BRICD5: variants seen among roughly 807,000 people sequenced by gnomAD.
The protein encoded by BRICD5 is BRICHOS domain-containing protein 5.
A neutral mutation model predicts 28.4 loss-of-function variants in BRICD5; 51 were observed. The ratio of observed to expected loss-of-function variants is 1.80; its 90% CI spans 1.43 to 2.27. The LOEUF (loss-of-function observed/expected upper bound fraction) is 2.27. BRICD5 is among the 30% of genes most tolerant of loss of function. BRICD5 has a pLI of 0.00. For synonymous variants in BRICD5, 177 were observed against 130.2 expected, an observed-to-expected ratio of 1.36 and a Z score of -2.44; for missense variants, 456 against 309.6, an observed-to-expected ratio of 1.47 and a Z score of -3.55.
Position 2,209,581 on chromosome 16 carries a change from G to C in BRICD5, c.564C>G (p.Thr188=), listed in dbSNP as rs1213583378. 2 of 1,612,186 alleles carry C rather than the reference G, an allele frequency of 1.2e-6. No homozygotes were observed. Among genetic ancestry groups the C allele is most frequent in the East Asian group, 2.2e-5 (1 of 44,874 alleles). Residue 188 remains threonine, a synonymous_variant, in exon 5 of 6, where the codon ACC becomes ACG. Transcript: ENST00000328540. ...GALVQRLCMR[T]PIYWARRAEG... ...CTGCTCGCCGGGCCCAGTAGATGGG[G>C]GTCCTCATGCACAGGCGCTGCACCA...
At chr16:2,210,100 A>G in intron 3 of BRICD5, 26 bp downstream of exon 3, 2 of 1,604,534 alleles carry the variant, frequency 1.2e-6, no homozygotes, top group Non-Finnish European at 1.7e-6. Flanking sequence ...GACACCTGCC[A>G]GGGTGACCCC....
Position 2,210,778 on chromosome 16 carries a change from C to T in BRICD5, c.51+5G>A, listed in dbSNP as rs1483043016. The T allele has an allele frequency of 4.4e-6, 7 of 1,607,228 alleles. No individual in the cohort carries two copies. In the East Asian group the frequency reaches 1.1e-4, roughly 26 times the overall value. ...CTTGCTGCAGGAGTAACGGGAGGCA[C>T]TCACCCCTGTAGGCCCAGGTTTGGG... On this transcript the variant is annotated splice_donor_5th_base_variant and intron_variant, in intron 1 of 5. Coordinates refer to ENST00000328540, the MANE Select transcript of BRICD5 (RefSeq NM_182563.4).
At chr16:2,209,485 G>A (rs1335928565) in intron 5 of BRICD5, 29 bp from the exon 6 acceptor site, 3 of 1,613,282 alleles carry the variant, frequency 1.9e-6, no homozygotes, top group East Asian at 2.2e-5. Flanking sequence ...GAATCTCCAA[G>A]GGCTCCGCCC....
rs772583788 is a variant in BRICD5, at chr16:2,209,372, A to T, written c.677T>A (p.Leu226His). 25 of 1,612,404 alleles carry T rather than the reference A, an allele frequency of 1.6e-5. No individual in the cohort carries two copies. The Admixed American group carries it at 4.2e-4, about 27-fold the overall frequency. ...GGCCAGGTCGGGGGCTCAGTCTGGG[A>T]GGTAATAAAAGCAGACCGACACGCA... ...NICVSVCFYYLPD is the reference protein window; with the variant it reads ...NICVSVCFYYHPD Residue 226 changes from leucine to histidine, a missense_variant, in exon 6 of 6, where the codon CTC (leucine) becomes CAC (histidine). Transcript: ENST00000328540.
chr16:2,209,923 G>T, intron 4 of BRICD5, 27 bp downstream of exon 4: 1 of 1,490,740 alleles, frequency 6.7e-7, no homozygotes, highest in Non-Finnish European at 8.9e-7. Context: ...CCCCTGGCCC[G>T]GGCCTGCGCC....
Position 2,210,590 on chromosome 16 carries a change from G to C in BRICD5, c.112C>G (p.Leu38Val), listed in dbSNP as rs2093369682. The change falls in exon 2 of 6, where the codon CTG becomes GTG. Residue 38 changes from leucine to valine, a missense_variant. Physicochemically the swap from Leu to Val is conservative, Grantham distance 32. Coordinates refer to ENST00000328540, the MANE Select transcript of BRICD5 (RefSeq NM_182563.4). ...RAVSLLLLLLLLVLAAVGVVA... is the reference protein window; with the variant it reads ...RAVSLLLLLLVLVLAAVGVVA... ...ACCCCCACAGCGGCCAGCACCAGCA[G>C]CAGCAGCAGCAGGAGCAGGCTCACG... The C allele has an allele frequency of 1.2e-6, 2 of 1,609,838 alleles. No homozygotes were observed. Among genetic ancestry groups the C allele is most frequent in the African/African-American group, 2.7e-5 (2 of 74,974 alleles).
chr16:2,210,160 T>C lies in BRICD5; in HGVS notation c.302A>G (p.Asn101Ser), dbSNP rs768910360. 6.2e-7 allele frequency: 1 copy of C among 1,608,782 alleles called. No individual in the cohort carries two copies. The highest frequency in any genetic ancestry group is 1.7e-5 in the Admixed American group (1 of 59,670). ...ATITVTPPQSNHSWAVLFDGQ... is the reference protein window; with the variant it reads ...ATITVTPPQSSHSWAVLFDGQ... ...GTCGAACAGCACCGCCCAGCTGTGG[T>C]TGCTCTGAGGTGGGGTCACTGTGAT... Residue 101 changes from asparagine to serine, a missense_variant, in exon 3 of 6, where the codon AAC becomes AGC. Asn to Ser is a conservative substitution (Grantham distance 46). Coordinates refer to ENST00000328540, the MANE Select transcript of BRICD5 (RefSeq NM_182563.4).
At position 2,210,095 on chromosome 16, in the gene BRICD5, C is replaced by T. The variant is rs549946298; in HGVS notation, c.336+31G>A. The T allele has an allele frequency of 1.6e-4, 254 of 1,604,284 alleles. 3 individuals carry two copies. In the South Asian group the frequency reaches 2.6e-3, roughly 16 times the overall value. On this transcript the variant is annotated intron_variant, in intron 3 of 5. Coordinates refer to ENST00000328540, the MANE Select transcript of BRICD5 (RefSeq NM_182563.4). ...GAGGCGGGGCCCCCCAGACCGACAC[C>T]TGCCAGGGTGACCCCTCCCTGCCCA... is the stretch of plus-strand genomic sequence containing the variant.
In BRICD5 at chr16:2,209,315, C is replaced by G; in HGVS notation, c.*47G>C. 1 of 1,563,284 alleles carries G rather than the reference C, an allele frequency of 6.4e-7. No individual in the cohort carries two copies. Among genetic ancestry groups the G allele is most frequent in the Non-Finnish European group, 8.8e-7 (1 of 1,141,278 alleles). On this transcript the variant is annotated 3_prime_UTR_variant, in exon 6 of 6. Transcript: ENST00000328540. ...GTCCTCCCTGGTGCAGGTGGCCTGG[C>G]CAGCCCACTGGATTGGGGACGGGCC...
Position 2,210,572 on chromosome 16 carries a change from C to G in BRICD5, c.130G>C (p.Val44Leu). 1.9e-6 allele frequency: 3 copies of G among 1,612,606 alleles called. No individual in the cohort carries two copies. The highest frequency in any genetic ancestry group is 2.5e-6 in the Non-Finnish European group (3 of 1,179,734). The change falls in exon 2 of 6, where the codon GTG becomes CTG. Residue 44 changes from valine to leucine, a missense_variant. Transcript: ENST00000328540. Reference protein sequence around the residue: ...LLLLLLVLAAVGVVAGGLLGS... With the variant: ...LLLLLLVLAALGVVAGGLLGS... ...AGAAGCCCTCCAGCCACAACCCCCACAGCGGCCAGCACCAGCAGCAGCAGC... is the reference window on the plus strand; with the variant it reads ...AGAAGCCCTCCAGCCACAACCCCCAGAGCGGCCAGCACCAGCAGCAGCAGC...
At position 2,209,885 on chromosome 16, in the gene BRICD5, T is replaced by TG. The variant is rs1412943242; in HGVS notation, c.438+64dup. On this transcript the variant is annotated intron_variant, in intron 4 of 5. Transcript: ENST00000328540. Reference sequence around the variant, plus strand: ...ACCACAGCTCCAGCCTGTCCCGTACTGGGCTGCACACAGGACCCTTTGTCT... The same window carrying TG: ...ACCACAGCTCCAGCCTGTCCCGTACTGGGGCTGCACACAGGACCCTTTGTCT... 2.1e-5 allele frequency: 30 copies of TG among 1,427,058 alleles called. No homozygotes were observed. The South Asian group carries it at 3.7e-4, about 17-fold the overall frequency. The allele number at this position is 1,427,058 out of a possible 1,614,324, so 88.4% of individuals were successfully genotyped here. A position where few individuals can be genotyped will look rare whatever the true frequency, so the allele number is the denominator to read the frequency against.
chr16:2,210,624 G>T lies in BRICD5; in HGVS notation c.78C>A (p.Gly26=). 6.2e-7 allele frequency: 1 copy of T among 1,612,162 alleles called. No individual in the cohort carries two copies. The highest frequency in any genetic ancestry group is 8.5e-7 in the Non-Finnish European group (1 of 1,179,396). The change falls in exon 2 of 6, where the codon GGC becomes GGA. Residue 26 remains glycine (G), a synonymous_variant. Transcript: ENST00000328540. Reference sequence around the variant, plus strand: ...GCAGGAGCAGGCTCACGGCTCTCCAGCCCCCGCAGGAGGGCTTGGTCTTCA... The same window carrying T: ...GCAGGAGCAGGCTCACGGCTCTCCATCCCCCGCAGGAGGGCTTGGTCTTCA... The part of the protein sequence containing the change: ...TGVKTKPSCG[G]WRAVSLLLLL...
Position 2,210,577 on chromosome 16 carries a change from GCCAGCA to G in BRICD5, c.119_124del (p.Val40_Leu41del), listed in dbSNP as rs755475248. Reference sequence around the variant, plus strand: ...CCCTCCAGCCACAACCCCCACAGCGGCCAGCACCAGCAGCAGCAGCAGCAGGAGCAG... The same window carrying G: ...CCCTCCAGCCACAACCCCCACAGCGGCCAGCAGCAGCAGCAGCAGGAGCAG... On this transcript the variant is annotated inframe_deletion, in exon 2 of 6. Coordinates refer to ENST00000328540, the MANE Select transcript of BRICD5 (RefSeq NM_182563.4). 70 of 1,612,220 alleles carry G rather than the reference GCCAGCA, an allele frequency of 4.3e-5. No individual in the cohort carries two copies. Among genetic ancestry groups the G allele is most frequent in the Admixed American group, 1.7e-4 (10 of 59,962 alleles).
Position 2,210,593 on chromosome 16 carries a change from G to C in BRICD5, c.109C>G (p.Leu37Val), listed in dbSNP as rs764196995. The change falls in exon 2 of 6, where the codon CTG becomes GTG. Residue 37 changes from leucine (L) to valine (V), a missense_variant. Coordinates refer to ENST00000328540, the MANE Select transcript of BRICD5 (RefSeq NM_182563.4). ...WRAVSLLLLL[L>V]LLVLAAVGVV... ...CCCACAGCGGCCAGCACCAGCAGCA[G>C]CAGCAGCAGGAGCAGGCTCACGGCT... 5 of 1,612,238 alleles carry C rather than the reference G, an allele frequency of 3.1e-6. No individual in the cohort carries two copies. In the South Asian group the frequency reaches 4.4e-5, roughly 14 times the overall value.
rs759430525 is a variant in BRICD5 at position 2,210,545 on chromosome 16, C to T, written c.157G>A (p.Gly53Ser). 1.2e-6 allele frequency: 2 copies of T among 1,612,108 alleles called. No homozygotes were observed. Among genetic ancestry groups the T allele is most frequent in the Non-Finnish European group, 1.7e-6 (2 of 1,179,460 alleles). Residue 53 changes from glycine to serine, a missense_variant, in exon 2 of 6, where the codon GGC becomes AGC. Coordinates refer to ENST00000328540, the MANE Select transcript of BRICD5 (RefSeq NM_182563.4). ...AVGVVAGGLL[G>S]SAQGPPKPRL... ...ACCTTGGGAGGGCCCTGAGCAGAGC[C>T]AAGAAGCCCTCCAGCCACAACCCCC...
Position 2,210,375 on chromosome 16 carries a change from G to A in BRICD5, c.181-94C>T, listed in dbSNP as rs148884818. 3.0e-4 allele frequency: 452 copies of A among 1,531,982 alleles called. 3 individuals carry two copies. In the East Asian group the frequency reaches 9.6e-3, roughly 33 times the overall value. The allele number at this position is 1,531,982 out of a possible 1,614,324, so 94.9% of individuals were successfully genotyped here. On this transcript the variant is annotated intron_variant, in intron 2 of 5. Coordinates refer to ENST00000328540, the MANE Select transcript of BRICD5 (RefSeq NM_182563.4). ...CAGGACTCCTGACACCCCTGAGTGG[G>A]CCCTTCCACCCCTTGGTCCTCTGGC... is the stretch of plus-strand genomic sequence containing the variant.
intron 5 of BRICD5, 21 bp from the exon 6 acceptor site, chr16:2,209,477 A>C (rs766007844): frequency 2.0e-5 from 33 of 1,613,308 alleles, no homozygotes; most frequent in Middle Eastern, 1.6e-4. Context: ...GGTGCCGTGA[A>C]TCTCCAAGGG....
At position 2,210,206 on chromosome 16, in the gene BRICD5, C is replaced by G. The variant is rs773714670; in HGVS notation, c.256G>C (p.Val86Leu). 1 of 1,590,336 alleles carries G rather than the reference C, an allele frequency of 6.3e-7. No individual in the cohort carries two copies. The highest frequency in any genetic ancestry group is 2.3e-5 in the East Asian group (1 of 44,066). The change falls in exon 3 of 6, where the codon GTG becomes CTG. Residue 86 changes from valine (V) to leucine (L), a missense_variant. By Grantham distance (32) the Val-to-Leu change is conservative (BLOSUM62 1). Coordinates refer to ENST00000328540, the MANE Select transcript of BRICD5 (RefSeq NM_182563.4). The stretch of plus-strand genomic sequence containing the variant: ...GTGATGGTCGCCGCGTTCCGGGCCA[C>G]GTCCACCAGGATGGTTTGGTTGGGC... ...PRPNQTILVD[V>L]ARNAATITVT...
Position 2,210,277 on chromosome 16 carries a change from C to G in BRICD5, c.185G>C (p.Arg62Thr). The G allele has an allele frequency of 6.5e-7, 1 of 1,528,034 alleles. No individual in the cohort carries two copies. The allele number at this position is 1,528,034 out of a possible 1,614,324, so 94.7% of individuals were successfully genotyped here. ...GAGGGTCATTCGCAGCGTCTGCAGC[C>G]TTGGCTGGCAGTGGGAGTTGGAGTT... ...LGSAQGPPKP[R>T]LQTLRMTLPS... Residue 62 changes from arginine to threonine, a missense_variant, in exon 3 of 6, where the codon AGG becomes ACG. Arg to Thr is a moderately conservative substitution (Grantham distance 71). Coordinates refer to ENST00000328540, the MANE Select transcript of BRICD5 (RefSeq NM_182563.4).
Sources: allele counts gnomAD v4.1 joint callset, GRCh38; gene constraint gnomAD v4.1.1; transcripts MANE v1.5; gene names NCBI Gene and HGNC (gene_info 2026-07-23, HGNC 2026-07-21).